The following SLIT2 variants were observed in gnomAD, a reference collection of about 807,000 sequenced individuals.
The protein encoded by SLIT2 is slit guidance ligand 2.
In SLIT2, 41 loss-of-function variants were observed where a neutral mutation model predicts 185.7. The observed-to-expected ratio is 0.22, with a 90% CI of 0.17 to 0.29. SLIT2 has a LOEUF of 0.29. Among genes scored for constraint, SLIT2 ranks in the 10% least tolerant of loss-of-function variants. The pLI, the probability that SLIT2 is intolerant of heterozygous loss-of-function variation, is 1.00. For missense variants in SLIT2, 1,571 were observed against 1,909.0 expected, an observed-to-expected ratio of 0.82 and a Z score of 3.30; for synonymous variants, 693 against 680.2, an observed-to-expected ratio of 1.02 and a Z score of -0.29.
At chr4:20,344,063 A>T (rs1455171845) in intron 4 of SLIT2, among the ~76,000 whole-genome samples, 1 of 152,032 alleles carries the variant, frequency 6.6e-6, no homozygotes, top group Middle Eastern at 3.2e-3. Context: ...GTTGGCCAGG[A>T]TGGTCTCGAT....
At chr4:20,445,154 C>T (rs1711622465) in intron 4 of SLIT2, among the ~76,000 whole-genome samples, 1 of 152,172 alleles carries the variant, frequency 6.6e-6, no homozygotes, top group African/African-American at 2.4e-5. Context: ...TCAGAGAGGT[C>T]TGCACCCAAC....
chr4:20,562,463 G>C (rs1221270106), intron 26 of SLIT2, among the ~76,000 whole-genome samples: 1 of 151,634 alleles, frequency 6.6e-6, no homozygotes, highest in Non-Finnish European at 1.5e-5. Flanking sequence ...CTCCCTTGAT[G>C]GCTTGCAGAA....
At chr4:20,349,281 T>C (rs1721679476) in intron 4 of SLIT2, among the ~76,000 whole-genome samples, 1 of 152,168 alleles carries the variant, frequency 6.6e-6, no homozygotes. Flanking sequence ...TTTGATAAAA[T>C]AATACATAAG....
At chr4:20,367,229 T>C (rs1723189808) in intron 4 of SLIT2, among the ~76,000 whole-genome samples, 1 of 152,206 alleles carries the variant, frequency 6.6e-6, no homozygotes, top group Non-Finnish European at 1.5e-5. Context: ...AGTTATTGCT[T>C]GCTTACTCTG....
At chr4:20,535,670 C>T (rs1197477724) in intron 18 of SLIT2, among the ~76,000 whole-genome samples, 1 of 152,046 alleles carries the variant, frequency 6.6e-6, no homozygotes, top group Non-Finnish European at 1.5e-5. Context: ...TCTGATGAGG[C>T]CTCGCTTCTG....
intron 26 of SLIT2, among the ~76,000 whole-genome samples, chr4:20,566,182 C>G (rs1310712606): frequency 6.6e-6 from 1 of 151,984 alleles, no homozygotes; most frequent in Non-Finnish European, 1.5e-5. Flanking sequence ...ATCCACATAA[C>G]TTTGCTAGAA....
At chr4:20,460,198 T>C (rs993100921) in intron 4 of SLIT2, among the ~76,000 whole-genome samples, 2 of 151,978 alleles carry the variant, frequency 1.3e-5, no homozygotes, top group Non-Finnish European at 2.9e-5. Flanking sequence ...CTGCCTCCCT[T>C]GCGCAAACAT....
chr4:20,487,056 C>G (rs1181013570), intron 7 of SLIT2, among the ~76,000 whole-genome samples: 1 of 151,894 alleles, frequency 6.6e-6, no homozygotes, highest in Non-Finnish European at 1.5e-5. Flanking sequence ...TCAAAATACT[C>G]CTCATTTTCT....
chr4:20,447,206 C>A (rs1420341461), intron 4 of SLIT2, among the ~76,000 whole-genome samples: 1 of 152,154 alleles, frequency 6.6e-6, no homozygotes. Flanking sequence ...ATAATGAAAA[C>A]CCCTAAATCT....
chr4:20,475,767 G>A (rs1716034501), intron 5 of SLIT2, among the ~76,000 whole-genome samples: 1 of 152,098 alleles, frequency 6.6e-6, no homozygotes, highest in African/African-American at 2.4e-5. Flanking sequence ...ACAATTCCCA[G>A]GACTTAATGT....
At chr4:20,610,221 G>A in intron 34 of SLIT2, 54 bp downstream of exon 34, 3 of 1,516,194 alleles carry the variant, frequency 2.0e-6, no homozygotes, top group South Asian at 2.4e-5. Context: ...TCTCATTATG[G>A]ACGAATTCTG....
In SLIT2 at chr4:20,295,559, T is replaced by A. The variant is rs1716369971; in HGVS notation, c.395+26678T>A. On this transcript the variant is annotated intron_variant, in intron 4 of 36. Transcript: ENST00000504154. ...GACCGTCAGCTCTCTTAGTAGTAAG[T>A]CAATCCAAACCAACTCCTTCATTGC... Among the ~76,000 whole-genome samples the A allele has an allele frequency of 2.0e-5, 3 of 152,262 alleles. No homozygotes were observed. The South Asian group carries it at 6.2e-4, about 32-fold the overall frequency.
At position 20,252,143 on chromosome 4, in the gene SLIT2, C is replaced by T. The variant is rs1174527055; in HGVS notation, c.-1673C>T. ...GGGAGCGCCGGGGGCCCGCAGCCGG[C>T]TCCGGAGGCGCGGGCCGGGTTTTTG... On this transcript the variant is annotated 5_prime_UTR_variant, in exon 1 of 37. Transcript: ENST00000504154. 1.3e-5 allele frequency among the ~76,000 whole-genome samples: 2 copies of T among 151,018 alleles called. No homozygotes were observed. The highest frequency in any genetic ancestry group is 2.0e-4 in the East Asian group (1 of 4,968).
At chr4:20,611,903 A>G (rs1232409786) in intron 34 of SLIT2, among the ~76,000 whole-genome samples, 1 of 152,162 alleles carries the variant, frequency 6.6e-6, no homozygotes, top group Non-Finnish European at 1.5e-5. Context: ...GCTGACTCCA[A>G]AGCCACCTGC....
At chr4:20,526,261 A>G (rs1229743001) in intron 15 of SLIT2, among the ~76,000 whole-genome samples, 2 of 152,280 alleles carry the variant, frequency 1.3e-5, no homozygotes, top group East Asian at 3.9e-4. Context: ...TGGATTTAGT[A>G]GATTTGGTGA....
intron 4 of SLIT2, among the ~76,000 whole-genome samples, chr4:20,441,484 ATCTC>A (rs35297721): frequency 9.5e-5 from 12 of 126,922 alleles, no homozygotes; most frequent in Non-Finnish European, 8.1e-5. Context: ...CCCTCATCCA[ATCTC>A]TCTCTCTCTC....
At chr4:20,615,869 C>T (rs1348728493) in intron 34 of SLIT2, 2 of 152,158 alleles carry the variant, frequency 1.3e-5, no homozygotes, top group East Asian at 1.9e-4. Context: ...AGCATAATTA[C>T]GGGGTTGTGG....
chr4:20,413,290 T>G (rs1470014251), intron 4 of SLIT2, among the ~76,000 whole-genome samples: 4 of 152,080 alleles, frequency 2.6e-5, no homozygotes, highest in African/African-American at 9.6e-5. Context: ...AAATTTTCCT[T>G]TGTTATTTAT....
At chr4:20,317,848 A>G (rs1718732438) in intron 4 of SLIT2, among the ~76,000 whole-genome samples, 1 of 152,148 alleles carries the variant, frequency 6.6e-6, no homozygotes, top group African/African-American at 2.4e-5. Flanking sequence ...AAATACTGAG[A>G]GAATCCTAAA....
Sources: allele counts gnomAD v4.1 joint callset (sites outside exome capture counted in the v4.1 genomes callset), GRCh38; gene constraint gnomAD v4.1.1; transcripts MANE v1.5; gene names NCBI Gene and HGNC (gene_info 2026-07-23, HGNC 2026-07-21).